Variants in TAS2R1 observed in about 807,000 individuals in gnomAD.
TAS2R1 encodes the protein taste 2 receptor member 1, also known as taste receptor type 2 member 1.
For synonymous variants in TAS2R1, 141 were observed against 134.2 expected, an observed-to-expected ratio of 1.05 and a Z score of -0.35; for missense variants, 370 against 353.4, an observed-to-expected ratio of 1.05 and a Z score of -0.38.
intron 1 of TAS2R1, among the ~76,000 whole-genome samples, chr5:9,707,739 C>T (rs1453019311): frequency 6.6e-6 from 1 of 151,860 alleles, no homozygotes; most frequent in Non-Finnish European, 1.5e-5. Flanking sequence ...CGGTGCAAGC[C>T]CTCCCCCAAG....
At chr5:9,836,459 C>G in the TAS2R1 span, among the ~76,000 whole-genome samples, 1 of 151,934 alleles carries the variant, frequency 6.6e-6, no homozygotes, top group Non-Finnish European at 1.5e-5. Context: ...TCGCTGGCCT[C>G]TACTCACAAG....
chr5:9,895,477 A>C, the TAS2R1 span, among the ~76,000 whole-genome samples: 1 of 152,228 alleles, frequency 6.6e-6, no homozygotes, highest in African/African-American at 2.4e-5. Flanking sequence ...GCCGGGCAGC[A>C]GGCAGTCTGC....
chr5:9,734,367 C>A, the TAS2R1 span, among the ~76,000 whole-genome samples: 1 of 152,160 alleles, frequency 6.6e-6, no homozygotes, highest in Non-Finnish European at 1.5e-5. Context: ...ATCAATACAG[C>A]TCCCTCTCCC....
intron 1 of TAS2R1, among the ~76,000 whole-genome samples, chr5:9,683,910 C>T (rs1455793312): frequency 6.6e-6 from 1 of 152,104 alleles, no homozygotes; most frequent in Non-Finnish European, 1.5e-5. Flanking sequence ...AGGTTGCCAG[C>T]ATCTACGGAA....
chr5:9,762,464 A>G, the TAS2R1 span, among the ~76,000 whole-genome samples: 5 of 152,372 alleles, frequency 3.3e-5, no homozygotes, highest in African/African-American at 1.2e-4. Flanking sequence ...ACGAAAATGT[A>G]TCACTGGTAA....
At chr5:9,900,639 T>TTTA in the TAS2R1 span, among the ~76,000 whole-genome samples, 1 of 136,390 alleles carries the variant, frequency 7.3e-6, no homozygotes, top group Non-Finnish European at 1.6e-5. Context: ...TTTTTTTTTT[T>TTTA]AGACGGAGTC....
At chr5:9,757,864 CTTATTTTATCTCAAAACCTATATAATT>C in the TAS2R1 span, among the ~76,000 whole-genome samples, 2 of 151,940 alleles carry the variant, frequency 1.3e-5, no homozygotes, top group South Asian at 4.1e-4. Flanking sequence ...GTATTATTAG[CTTATTTTATCTCAAAACCTATATAATT>C]TTAGAAAGTT....
At chr5:9,738,129 C>T in the TAS2R1 span, among the ~76,000 whole-genome samples, 1 of 152,212 alleles carries the variant, frequency 6.6e-6, no homozygotes, top group Non-Finnish European at 1.5e-5. Context: ...CACTATTTCT[C>T]TTTCTTCCTG....
chr5:9,733,852 T>C, the TAS2R1 span, among the ~76,000 whole-genome samples: 36 of 152,254 alleles, frequency 2.4e-4, no homozygotes, highest in East Asian at 5.8e-3. Context: ...ATTCTAAAAA[T>C]TGCATTGCTT....
At chr5:9,866,663 A>G in the TAS2R1 span, among the ~76,000 whole-genome samples, 1 of 152,254 alleles carries the variant, frequency 6.6e-6, no homozygotes, top group East Asian at 1.9e-4. Context: ...AACCTGCAGT[A>G]ATCACAGGAC....
At chr5:9,835,209 A>G in the TAS2R1 span, among the ~76,000 whole-genome samples, 14 of 152,350 alleles carry the variant, frequency 9.2e-5, no homozygotes, top group East Asian at 2.3e-3. Flanking sequence ...ATGTGTGCAC[A>G]TGAAAATGGG....
chr5:9,814,337 A>AT, the TAS2R1 span, among the ~76,000 whole-genome samples: 2 of 152,168 alleles, frequency 1.3e-5, no homozygotes, highest in Admixed American at 1.3e-4. Context: ...AATGCTAAGA[A>AT]TTTTTTCTCA....
At chr5:9,689,390 G>A (rs76341109) in intron 1 of TAS2R1, among the ~76,000 whole-genome samples, 4,549 of 152,162 alleles carry the variant, frequency 0.03, 92 homozygotes, top group African/African-American at 0.053. Flanking sequence ...TCCAGGTTCC[G>A]CCCCAGACCT....
chr5:9,897,313 G>T, the TAS2R1 span, among the ~76,000 whole-genome samples: 1 of 152,130 alleles, frequency 6.6e-6, no homozygotes, highest in African/African-American at 2.4e-5. Context: ...GCTGGGCGTG[G>T]TGGCGCATGC....
chr5:9,703,513 G>A (rs918661448), intron 1 of TAS2R1, among the ~76,000 whole-genome samples: 18 of 152,050 alleles, frequency 1.2e-4, no homozygotes, highest in Admixed American at 1.1e-3. Context: ...GGAGAGAAGA[G>A]GGGGACTGTA....
At chr5:9,839,453 A>C in the TAS2R1 span, among the ~76,000 whole-genome samples, 2 of 152,296 alleles carry the variant, frequency 1.3e-5, no homozygotes, top group East Asian at 3.9e-4. Context: ...CTAGTCCATT[A>C]CTCTTTTTAT....
At chr5:9,660,687 A>G (rs1001176719) in intron 1 of TAS2R1, among the ~76,000 whole-genome samples, 7 of 152,204 alleles carry the variant, frequency 4.6e-5, no homozygotes, top group African/African-American at 1.7e-4. Context: ...GACTTTGCAG[A>G]TATGATTAAG....
chr5:9,880,038 T>C, the TAS2R1 span, among the ~76,000 whole-genome samples: 1 of 152,172 alleles, frequency 6.6e-6, no homozygotes, highest in African/African-American at 2.4e-5. Flanking sequence ...GAAGAAGCCA[T>C]AGAGTATGCT....
intron 1 of TAS2R1, among the ~76,000 whole-genome samples, chr5:9,706,891 C>T (rs1260144477): frequency 6.6e-6 from 1 of 152,068 alleles, no homozygotes; most frequent in Non-Finnish European, 1.5e-5. Flanking sequence ...GAAAGCTGGC[C>T]CTGATATTAA....
Sources: allele counts gnomAD v4.1 joint callset (sites outside exome capture counted in the v4.1 genomes callset), GRCh38; gene constraint gnomAD v4.1.1; transcripts MANE v1.5; gene names NCBI Gene and HGNC (gene_info 2026-07-23, HGNC 2026-07-21).